The following ZFHX3 variants were observed in gnomAD, a reference collection of about 807,000 sequenced individuals.
ZFHX3 encodes zinc finger homeobox protein 3.
A neutral mutation model predicts 279.1 loss-of-function variants in ZFHX3; 42 were observed. That is an observed-to-expected ratio of 0.15 (90% confidence interval 0.12 to 0.19). ZFHX3 has a LOEUF of 0.19. Among genes scored for constraint, ZFHX3 ranks in the 10% least tolerant of loss-of-function variants. The pLI, the probability that ZFHX3 is intolerant of heterozygous loss-of-function variation, is 1.00. For missense variants in ZFHX3, 4,981 were observed against 4,754.0 expected (o/e 1.05, Z -1.40); for synonymous variants, 2,293 against 1,957.8 (o/e 1.17, Z -4.52).
At chr16:72,842,458 G>C (rs571616977) in intron 4 of ZFHX3, among the ~76,000 whole-genome samples, 1 of 152,158 alleles carries the variant, frequency 6.6e-6, no homozygotes, top group African/African-American at 2.4e-5. Context: ...ACAAATGAAA[G>C]GTTATGCTTC....
intron 3 of ZFHX3, among the ~76,000 whole-genome samples, chr16:73,444,955 T>TAAA (rs56235953): frequency 2.9e-5 from 2 of 68,454 alleles, no homozygotes; most frequent in Non-Finnish European, 5.4e-5. Flanking sequence ...CCATCTATAC[T>TAAA]AAAAAAAAAA....
At chr16:73,356,604 C>T (rs2016345183) in intron 3 of ZFHX3, among the ~76,000 whole-genome samples, 1 of 152,020 alleles carries the variant, frequency 6.6e-6, no homozygotes, top group Non-Finnish European at 1.5e-5. Context: ...AGCTGAGCGA[C>T]CTTGGACAAT....
chr16:73,263,825 A>C (rs2013891237), intron 4 of ZFHX3, among the ~76,000 whole-genome samples: 1 of 152,172 alleles, frequency 6.6e-6, no homozygotes, highest in South Asian at 2.1e-4. Flanking sequence ...CTTATCTGGC[A>C]CTGGCTGGAA....
intron 5 of ZFHX3, among the ~76,000 whole-genome samples, chr16:73,201,813 A>G (rs1292416554): frequency 6.6e-6 from 1 of 152,240 alleles, no homozygotes; most frequent in Non-Finnish European, 1.5e-5. Context: ...TTTTCTTAGC[A>G]TCTGCAATAC....
chr16:73,620,223 TG>T (rs2143901731), intron 2 of ZFHX3, among the ~76,000 whole-genome samples: 1 of 152,394 alleles, frequency 6.6e-6, no homozygotes, highest in Non-Finnish European at 1.5e-5. Context: ...AAGAAGGTTC[TG>T]TTTTGGTAAC....
At chr16:73,890,212 T>G (rs1470163702) in intron 1 of ZFHX3, among the ~76,000 whole-genome samples, 1 of 149,108 alleles carries the variant, frequency 6.7e-6, no homozygotes, top group Non-Finnish European at 1.5e-5. Context: ...TTTTTCTTCT[T>G]GTAATTGTAA....
At chr16:73,832,657 C>A (rs1333279413) in intron 1 of ZFHX3, among the ~76,000 whole-genome samples, 1 of 152,112 alleles carries the variant, frequency 6.6e-6, no homozygotes, top group Non-Finnish European at 1.5e-5. Context: ...AAGCAATCCT[C>A]CCCCCTCAGC....
chr16:73,208,828 G>A (rs563436826), intron 5 of ZFHX3, among the ~76,000 whole-genome samples: 142 of 152,330 alleles, frequency 9.3e-4, no homozygotes, highest in African/African-American at 3.2e-3. Flanking sequence ...AATGAATCTA[G>A]TGAGAGTGTG....
chr16:73,823,543 C>T (rs550341470), intron 1 of ZFHX3, among the ~76,000 whole-genome samples: 1 of 152,298 alleles, frequency 6.6e-6, no homozygotes, highest in South Asian at 2.1e-4. Context: ...TAGGGGTTGA[C>T]CAACTATGGC....
chr16:73,532,222 T>C (rs1269428249), intron 2 of ZFHX3, among the ~76,000 whole-genome samples: 6 of 152,020 alleles, frequency 3.9e-5, no homozygotes, highest in Non-Finnish European at 7.4e-5. Context: ...CAGGGGGAGA[T>C]AATTGAATCA....
chr16:73,116,061 G>A (rs9921373), intron 7 of ZFHX3, among the ~76,000 whole-genome samples: 3,290 of 151,874 alleles, frequency 0.022, 125 homozygotes, highest in African/African-American at 0.075. Flanking sequence ...CGGAGGTTGC[G>A]GTGAGCAGAG....
At chr16:73,579,697 T>A (rs549843943) in intron 2 of ZFHX3, among the ~76,000 whole-genome samples, 38 of 150,052 alleles carry the variant, frequency 2.5e-4, no homozygotes, top group Admixed American at 2.3e-3. Context: ...AGAGACGGGG[T>A]TTCACCACGT....
At chr16:73,568,392 G>T (rs571007510) in intron 2 of ZFHX3, among the ~76,000 whole-genome samples, 1 of 152,260 alleles carries the variant, frequency 6.6e-6, no homozygotes, top group South Asian at 2.1e-4. Flanking sequence ...GCAGCTAGGG[G>T]AAACCTGCCT....
chr16:73,162,737 A>G (rs1214653123), intron 5 of ZFHX3, among the ~76,000 whole-genome samples: 1 of 152,196 alleles, frequency 6.6e-6, no homozygotes, highest in African/African-American at 2.4e-5. Flanking sequence ...TGCTGGGATT[A>G]CAGGCTTAAC....
chr16:73,019,099 G>T (rs572712264), intron 1 of ZFHX3, among the ~76,000 whole-genome samples: 1 of 152,314 alleles, frequency 6.6e-6, no homozygotes, highest in African/African-American at 2.4e-5. Flanking sequence ...TTTTCATCCT[G>T]GCTCAAGTCA....
Position 73,582,815 on chromosome 16 carries a change from A to G in ZFHX3, c.-1547+97365T>C, listed in dbSNP as rs2051875627. ...TATCTAGACTTCCCATCTGAACCCAACTCTTGCATTGGAGTTATATAAGAT... is the reference window on the plus strand; with the variant it reads ...TATCTAGACTTCCCATCTGAACCCAGCTCTTGCATTGGAGTTATATAAGAT... On this transcript the variant is annotated intron_variant, in intron 2 of 17. Transcript: ENST00000641206. 2.6e-5 allele frequency among the ~76,000 whole-genome samples: 4 copies of G among 151,726 alleles called. No homozygotes were observed. The South Asian group carries it at 6.2e-4, about 24-fold the overall frequency.
At chr16:73,666,826 G>A (rs1286418623) in intron 2 of ZFHX3, among the ~76,000 whole-genome samples, 1 of 151,796 alleles carries the variant, frequency 6.6e-6, no homozygotes, top group African/African-American at 2.4e-5. Context: ...ACCTGGTTTT[G>A]CTTTTTCCAG....
intron 2 of ZFHX3, among the ~76,000 whole-genome samples, chr16:73,471,925 G>T (rs2143604587): frequency 6.6e-6 from 1 of 152,238 alleles, no homozygotes; most frequent in South Asian, 2.1e-4. Flanking sequence ...CCCGCTGCAT[G>T]GTGGTGATCC....
chr16:73,841,487 C>A (rs953754755), intron 1 of ZFHX3, among the ~76,000 whole-genome samples: 1 of 152,054 alleles, frequency 6.6e-6, no homozygotes, highest in Admixed American at 6.6e-5. Flanking sequence ...ATCGGCATGA[C>A]CAAGCTGAAA....
Sources: allele counts gnomAD v4.1 joint callset (sites outside exome capture counted in the v4.1 genomes callset), GRCh38; gene constraint gnomAD v4.1.1; transcripts MANE v1.5; gene names NCBI Gene and HGNC (gene_info 2026-07-23, HGNC 2026-07-21).